The following SH3RF3 variants were observed in gnomAD, a reference collection of about 807,000 sequenced individuals.
SH3RF3 encodes the protein E3 ubiquitin-protein ligase SH3RF3.
A neutral mutation model predicts 66.3 loss-of-function variants in SH3RF3; 29 were observed. That is an observed-to-expected ratio of 0.44 (90% confidence interval 0.33 to 0.60). The LOEUF (loss-of-function observed/expected upper bound fraction) is 0.60. Among genes scored for constraint, SH3RF3 ranks in the 20% least tolerant of loss-of-function variants. The pLI is 0.04. For missense variants in SH3RF3, 1,194 were observed against 1,190.9 expected (o/e 1.00, Z -0.04); for synonymous variants, 583 against 532.0 (o/e 1.10, Z -1.32).
chr2:109,497,914 C>G (rs543227468), intron 9 of SH3RF3, among the ~76,000 whole-genome samples: 1 of 152,314 alleles, frequency 6.6e-6, no homozygotes, highest in East Asian at 1.9e-4. Flanking sequence ...CCTTTCTTTC[C>G]TTGGGGAAGA....
In SH3RF3 at chr2:109,495,477, C is replaced by CTTTTTT. The variant is rs569509984; in HGVS notation, c.2480+4568_2480+4573dup. ...ATTTCATCCTGAATATCTTTCATTC[C>CTTTTTT]TTTTTTTTTTTTTTTTTTTTTTTTT... On this transcript the variant is annotated intron_variant, in intron 9 of 9. Transcript: ENST00000309415. Among the ~76,000 whole-genome samples the CTTTTTT allele has an allele frequency of 2.6e-3, 248 of 94,270 alleles. 15 individuals carry two copies. Among genetic ancestry groups the CTTTTTT allele is most frequent in the South Asian group, 4.9e-3 (13 of 2,678 alleles). The allele number at this position is 94,270 out of a possible 152,430, so 61.8% of individuals were successfully genotyped here.
intron 4 of SH3RF3, among the ~76,000 whole-genome samples, chr2:109,405,684 C>T (rs542751995): frequency 2.0e-4 from 31 of 152,336 alleles, no homozygotes; most frequent in African/African-American, 4.6e-4. Context: ...TTCACCTCTC[C>T]GCAGCTTTCT....
intron 4 of SH3RF3, among the ~76,000 whole-genome samples, chr2:109,402,157 A>C (rs1676333304): frequency 6.6e-6 from 1 of 152,188 alleles, no homozygotes. Context: ...GTGCCCAGAG[A>C]CCAAGCCCTC....
chr2:109,390,830 G>A (rs1478202203), intron 3 of SH3RF3, among the ~76,000 whole-genome samples: 7 of 152,214 alleles, frequency 4.6e-5, no homozygotes, highest in Non-Finnish European at 8.8e-5. Context: ...CCCAGGGTGT[G>A]CAGATTCATG....
intron 1 of SH3RF3, among the ~76,000 whole-genome samples, chr2:109,171,143 GGTTTT>G (rs1045678409): frequency 2.0e-5 from 3 of 152,164 alleles, no homozygotes; most frequent in African/African-American, 7.2e-5. Context: ...AGATCATTCA[GGTTTT>G]GTTTTGTTTT....
At chr2:109,451,285 G>A (rs189973829) in intron 8 of SH3RF3, among the ~76,000 whole-genome samples, 113 of 152,324 alleles carry the variant, frequency 7.4e-4, no homozygotes, top group Middle Eastern at 3.4e-3. Context: ...CTACCCTGCA[G>A]CCCTTGTTAT....
intron 8 of SH3RF3, among the ~76,000 whole-genome samples, chr2:109,471,927 A>G (rs750269939): frequency 2.6e-5 from 4 of 152,206 alleles, no homozygotes; most frequent in Non-Finnish European, 4.4e-5. Context: ...TGTGAACAGC[A>G]GTTCATGTAA....
intron 1 of SH3RF3, among the ~76,000 whole-genome samples, chr2:109,298,819 A>T (rs1574558388): frequency 6.6e-6 from 1 of 152,284 alleles, no homozygotes; most frequent in East Asian, 1.9e-4. Flanking sequence ...CTGCCACCAG[A>T]GGGTCCTGTT....
chr2:109,219,948 C>A (rs575020880), intron 1 of SH3RF3, among the ~76,000 whole-genome samples: 8 of 152,288 alleles, frequency 5.3e-5, no homozygotes, highest in African/African-American at 1.9e-4. Context: ...TATGGAATCT[C>A]AAGGGACCCC....
chr2:109,380,317 G>A (rs1031393972), intron 3 of SH3RF3, among the ~76,000 whole-genome samples: 3 of 151,994 alleles, frequency 2.0e-5, no homozygotes, highest in African/African-American at 7.2e-5. Context: ...TGATTGTTTT[G>A]TCTCCCTAAG....
At chr2:109,317,974 A>G (rs541431723) in intron 1 of SH3RF3, among the ~76,000 whole-genome samples, 1 of 152,180 alleles carries the variant, frequency 6.6e-6, no homozygotes, top group East Asian at 2.0e-4. Context: ...ATTCTGTGGC[A>G]AAGGCCAAGG....
At chr2:109,315,713 T>A (rs1484823655) in intron 1 of SH3RF3, among the ~76,000 whole-genome samples, 1 of 152,234 alleles carries the variant, frequency 6.6e-6, no homozygotes, top group Non-Finnish European at 1.5e-5. Flanking sequence ...CACCCAGGGT[T>A]CCTCTGGGGC....
At chr2:109,214,482 A>G (rs1161138860) in intron 1 of SH3RF3, among the ~76,000 whole-genome samples, 9 of 152,124 alleles carry the variant, frequency 5.9e-5, no homozygotes, top group African/African-American at 4.8e-5. Context: ...AGAAAAAAAA[A>G]AAAAGGAGTG....
intron 1 of SH3RF3, among the ~76,000 whole-genome samples, chr2:109,141,071 T>G (rs964475217): frequency 1.3e-5 from 2 of 152,214 alleles, no homozygotes; most frequent in Non-Finnish European, 2.9e-5. Context: ...AAGGGATCAA[T>G]GCTATGCTGG....
At chr2:109,381,805 A>G (rs996985963) in intron 3 of SH3RF3, among the ~76,000 whole-genome samples, 2 of 152,074 alleles carry the variant, frequency 1.3e-5, no homozygotes, top group Non-Finnish European at 2.9e-5. Context: ...TATGGCTCGC[A>G]GGGTCTGTGT....
At chr2:109,268,290 A>G (rs1476809205) in intron 1 of SH3RF3, among the ~76,000 whole-genome samples, 1 of 151,592 alleles carries the variant, frequency 6.6e-6, no homozygotes, top group African/African-American at 2.4e-5. Context: ...TCTGGGCTCC[A>G]GGTGGGATTG....
At chr2:109,263,274 C>T (rs1264701624) in intron 1 of SH3RF3, among the ~76,000 whole-genome samples, 1 of 152,168 alleles carries the variant, frequency 6.6e-6, no homozygotes, top group African/African-American at 2.4e-5. Flanking sequence ...TATCTGTGGT[C>T]ACTTGATTTT....
intron 1 of SH3RF3, 119 bp downstream of exon 1, chr2:109,130,232 C>A: frequency 1.0e-6 from 1 of 964,062 alleles, no homozygotes; most frequent in Non-Finnish European, 1.3e-6. Flanking sequence ...CGTTGGCCCA[C>A]TCCGCTGTTG....
chr2:109,159,400 G>A (rs560166071), intron 1 of SH3RF3, among the ~76,000 whole-genome samples: 65 of 152,352 alleles, frequency 4.3e-4, no homozygotes, highest in African/African-American at 1.4e-3. Context: ...GAACCAGGGC[G>A]GGCATGAGGC....
Sources: gnomAD v4.1 joint callset for allele counts (sites outside exome capture counted in the v4.1 genomes callset) on GRCh38, gnomAD v4.1.1 for gene constraint, MANE v1.5 for transcripts, NCBI Gene and HGNC (gene_info 2026-07-23, HGNC 2026-07-21) for gene names.